GRB2: variants seen among roughly 807,000 people sequenced by gnomAD.
GRB2 encodes the protein growth factor receptor-bound protein 2.
GRB2 carries 2 observed loss-of-function variants against 27.4 expected under a neutral mutation model. The ratio of observed to expected loss-of-function variants is 0.07; its 90% CI spans 0.03 to 0.23. The LOEUF is 0.23. GRB2 is among the 10% of genes least tolerant of loss of function. The pLI is 1.00. For missense variants in GRB2, 102 were observed against 282.4 expected (o/e 0.36, Z 4.58); for synonymous variants, 94 against 99.6 (o/e 0.94, Z 0.33).
intron 2 of GRB2, among the ~76,000 whole-genome samples, chr17:75,365,713 C>T (rs1053851843): frequency 2.6e-5 from 4 of 151,786 alleles, no homozygotes; most frequent in African/African-American, 4.8e-5. Flanking sequence ...GAAAAAAAAC[C>T]GCCAGTACAA....
rs544664128 is a variant in GRB2 at position 75,334,284 on chromosome 17, C to T, written c.79-1487G>A. Among the ~76,000 whole-genome samples, 83 of 152,212 alleles carry T rather than the reference C, an allele frequency of 5.5e-4. 1 individual carries two copies. The highest frequency in any genetic ancestry group is 1.9e-3 in the African/African-American group (80 of 41,528). On this transcript the variant is annotated intron_variant, in intron 2 of 5. Coordinates refer to ENST00000316804, the MANE Select transcript of GRB2 (RefSeq NM_002086.5). ...CTCCCGGGTTCACGCCATTCTCTTGCCTCAGCCTCCCGAGTGGCTGGGACT... is the reference window on the plus strand; with the variant it reads ...CTCCCGGGTTCACGCCATTCTCTTGTCTCAGCCTCCCGAGTGGCTGGGACT...
intron 2 of GRB2, among the ~76,000 whole-genome samples, chr17:75,356,631 T>C (rs904835751): frequency 1.3e-5 from 2 of 152,180 alleles, no homozygotes; most frequent in Non-Finnish European, 2.9e-5. Flanking sequence ...ACCCATCCTC[T>C]CTGAACCAGC....
At chr17:75,355,309 T>TGG (rs1039841475) in intron 2 of GRB2, among the ~76,000 whole-genome samples, 2 of 151,974 alleles carry the variant, frequency 1.3e-5, no homozygotes, top group Non-Finnish European at 2.9e-5. Context: ...TCTCTGGGAG[T>TGG]GGGGTGAAAG....
At chr17:75,369,773 T>C (rs1349974698) in intron 2 of GRB2, among the ~76,000 whole-genome samples, 2 of 151,028 alleles carry the variant, frequency 1.3e-5, no homozygotes, top group African/African-American at 2.4e-5. Flanking sequence ...GACAGGATAA[T>C]TGCTTGAACC....
intron 2 of GRB2, among the ~76,000 whole-genome samples, chr17:75,366,523 G>A (rs1248265865): frequency 1.4e-5 from 2 of 141,674 alleles, no homozygotes; most frequent in Non-Finnish European, 3.1e-5. Flanking sequence ...AAAACGGCCA[G>A]CTGCCGTGGC....
chr17:75,375,942 G>A (rs931158323), intron 2 of GRB2, among the ~76,000 whole-genome samples: 1 of 146,408 alleles, frequency 6.8e-6, no homozygotes, highest in African/African-American at 2.5e-5. Context: ...GGAGAATGGC[G>A]TGAACCCAGG....
chr17:75,385,463 G>C (rs552809254), intron 2 of GRB2, among the ~76,000 whole-genome samples: 1 of 152,146 alleles, frequency 6.6e-6, no homozygotes, highest in Non-Finnish European at 1.5e-5. Flanking sequence ...CTTGAACCAC[G>C]GAAGTGGAGG....
intron 4 of GRB2, 25 bp downstream of exon 4, chr17:75,325,873 G>A (rs1295941216): frequency 6.2e-7 from 1 of 1,612,302 alleles, no homozygotes; most frequent in East Asian, 2.2e-5. Flanking sequence ...CAGGATTCCA[G>A]GCAACTGCAG....
chr17:75,393,525 G>T, intron 2 of GRB2, 26 bp downstream of exon 2: 1 of 1,580,934 alleles, frequency 6.3e-7, no homozygotes, highest in Non-Finnish European at 8.7e-7. Context: ...AGCGATCTCA[G>T]CATTGTGCTC....
At chr17:75,396,505 C>T (rs1244360986) in intron 1 of GRB2, among the ~76,000 whole-genome samples, 2 of 152,160 alleles carry the variant, frequency 1.3e-5, no homozygotes, top group African/African-American at 4.8e-5. Flanking sequence ...GCAGGCCCCT[C>T]ACGCTAACTG....
At chr17:75,339,326 T>C (rs1367313736) in intron 2 of GRB2, among the ~76,000 whole-genome samples, 8 of 151,544 alleles carry the variant, frequency 5.3e-5, no homozygotes, top group Non-Finnish European at 8.8e-5. Context: ...CCTGAGTAGC[T>C]GGGACTACAG....
intron 2 of GRB2, among the ~76,000 whole-genome samples, chr17:75,334,794 G>A (rs557684239): frequency 1.3e-5 from 2 of 151,776 alleles, no homozygotes; most frequent in African/African-American, 4.8e-5. Flanking sequence ...AAGTGTAAAA[G>A]AAAAGTTATA....
At chr17:75,358,139 C>T (rs1236627526) in intron 2 of GRB2, among the ~76,000 whole-genome samples, 2 of 152,100 alleles carry the variant, frequency 1.3e-5, no homozygotes, top group Non-Finnish European at 2.9e-5. Context: ...GGTGAGCTCT[C>T]TGGAATTGAT....
rs1449569788 is a variant in GRB2, at chr17:75,319,158, A to C, written c.*1210T>G. The C allele has an allele frequency of 1.3e-5, 2 of 149,316 alleles. No homozygotes were observed. Among genetic ancestry groups the C allele is most frequent in the Non-Finnish European group, 3.0e-5 (2 of 67,316 alleles). 9.2% of individuals were successfully genotyped at this position (149,316 alleles called of 1,614,324 possible). A position where few individuals can be genotyped will look rare whatever the true frequency, so the allele number is the denominator to read the frequency against. ...GCTGGAGCTTAAAGCCTCCTGGCTT[A>C]GTACAAGCAGGAGAACGCCTCACCT... On this transcript the variant is annotated 3_prime_UTR_variant, in exon 6 of 6. Transcript: ENST00000316804.
chr17:75,320,694 C>G lies in GRB2; in HGVS notation c.469-141G>C. 1.6e-6 allele frequency: 1 copy of G among 635,194 alleles called. No individual in the cohort carries two copies. Among genetic ancestry groups the G allele is most frequent in the Non-Finnish European group, 2.8e-6 (1 of 356,008 alleles). 39.3% of individuals were successfully genotyped at this position (635,194 alleles called of 1,614,324 possible). A position where few individuals can be genotyped will look rare whatever the true frequency, so the allele number is the denominator to read the frequency against. On this transcript the variant is annotated intron_variant, in intron 5 of 5. Transcript: ENST00000316804. The surrounding 1 kb of genome is among the most constrained non-coding windows in gnomAD (Gnocchi z 4.3). The stretch of plus-strand genomic sequence containing the variant: ...TAAACTCACCTCCCATCTCCCAACC[C>G]CCCGTTTATTCTTACCTATTCTAAG...
At chr17:75,370,291 T>C (rs2078847308) in intron 2 of GRB2, among the ~76,000 whole-genome samples, 3 of 152,320 alleles carry the variant, frequency 2.0e-5, no homozygotes, top group Middle Eastern at 6.8e-3. Context: ...CTGGAAGAAC[T>C]GAAATGTCAG....
intron 2 of GRB2, among the ~76,000 whole-genome samples, chr17:75,343,880 G>C (rs951134656): frequency 6.6e-6 from 1 of 152,054 alleles, no homozygotes; most frequent in African/African-American, 2.4e-5. Context: ...CAGAGATCAA[G>C]AGGTTTCAAG....
chr17:75,334,992 A>G (rs1278584893), intron 2 of GRB2, among the ~76,000 whole-genome samples: 3 of 151,778 alleles, frequency 2.0e-5, no homozygotes, highest in Non-Finnish European at 4.4e-5. Context: ...ACCTGGGACT[A>G]TAGGCACTTG....
At chr17:75,372,939 A>T (rs1486511741) in intron 2 of GRB2, 1 of 152,228 alleles carries the variant, frequency 6.6e-6, no homozygotes, top group Non-Finnish European at 1.5e-5. Flanking sequence ...ACTATCAAAG[A>T]GCTAAAAGAA....
Sources: gnomAD v4.1 joint callset for allele counts (sites outside exome capture counted in the v4.1 genomes callset) on GRCh38, gnomAD v4.1.1 for gene constraint, Gnocchi (gnomAD v3.1) non-coding constraint, MANE v1.5 for transcripts, NCBI Gene and HGNC (gene_info 2026-07-23, HGNC 2026-07-21) for gene names.